The following STXBP6 variants were observed in gnomAD, a reference collection of about 807,000 sequenced individuals.
STXBP6 encodes the protein syntaxin binding protein 6, also known as syntaxin-binding protein 6.
STXBP6 carries 21 observed loss-of-function variants against 26.9 expected under a neutral mutation model. That is an observed-to-expected ratio of 0.78 (90% CI 0.55 to 1.12). The LOEUF (loss-of-function observed/expected upper bound fraction) is 1.12, where lower values mean the gene tolerates loss of function less well. Ranked by LOEUF, STXBP6 falls within the 50% of genes most tolerant of loss-of-function variation. The pLI is 0.00. For synonymous variants in STXBP6, 97 were observed against 92.6 expected, an observed-to-expected ratio of 1.05 and a Z score of -0.27; for missense variants, 232 against 257.9, an observed-to-expected ratio of 0.90 and a Z score of 0.69.
At chr14:24,942,317 A>G (rs984818116) in intron 2 of STXBP6, among the ~76,000 whole-genome samples, 8 of 152,238 alleles carry the variant, frequency 5.3e-5, no homozygotes, top group Non-Finnish European at 1.2e-4. Context: ...AACTAGAACC[A>G]TATTTGAAAG....
intron 2 of STXBP6, among the ~76,000 whole-genome samples, chr14:24,967,755 C>T (rs969033711): frequency 2.0e-5 from 3 of 152,124 alleles, no homozygotes; most frequent in Non-Finnish European, 4.4e-5. Flanking sequence ...TAATCAATAA[C>T]CTCAGAAATG....
chr14:25,049,181 G>T lies in STXBP6; in HGVS notation c.-33+697C>A, dbSNP rs958953044. On this transcript the variant is annotated intron_variant, in intron 1 of 5. Coordinates refer to ENST00000323944, the MANE Select transcript of STXBP6 (RefSeq NM_001394410.1). This position sits in a 1 kb window ranked among gnomAD's most constrained non-coding sequence, Gnocchi z 5.6. ...CGGGGTGTTGTAAACCTGAGGAAAG[G>T]TTGGAGGGAAAATCAAGCCACCCAC... The T allele has an allele frequency of 4.1e-6, 4 of 985,376 alleles. No homozygotes were observed. In the Admixed American group the frequency reaches 1.8e-4, roughly 45 times the overall value. The allele number at this position is 985,376 out of a possible 1,614,324, so 61.0% of individuals were successfully genotyped here. A position where few individuals can be genotyped will look rare whatever the true frequency, so the allele number is the denominator to read the frequency against.
intron 1 of STXBP6, among the ~76,000 whole-genome samples, chr14:25,003,519 C>T (rs1003938032): frequency 6.6e-6 from 1 of 152,130 alleles, no homozygotes; most frequent in African/African-American, 2.4e-5. Flanking sequence ...CAAGCAGGAC[C>T]TAAGGTACAA....
At chr14:24,818,917 TA>T in intron 5 of STXBP6, 119 bp downstream of exon 5, 1 of 1,340,322 alleles carries the variant, frequency 7.5e-7, no homozygotes. Flanking sequence ...GGGAATTACA[TA>T]AAGGGGAAAT....
intron 2 of STXBP6, among the ~76,000 whole-genome samples, chr14:24,883,996 A>T (rs1489133336): frequency 1.3e-5 from 2 of 152,214 alleles, no homozygotes; most frequent in Admixed American, 6.5e-5. Flanking sequence ...CTTTAATATT[A>T]AAACCCCTCT....
chr14:25,030,808 C>T (rs766275291), intron 1 of STXBP6, among the ~76,000 whole-genome samples: 33 of 151,916 alleles, frequency 2.2e-4, no homozygotes, highest in Non-Finnish European at 4.4e-4. Context: ...CATTGCTATA[C>T]AACATGTTAT....
chr14:24,880,963 C>G (rs994502469), intron 2 of STXBP6, among the ~76,000 whole-genome samples: 1 of 152,130 alleles, frequency 6.6e-6, no homozygotes, highest in African/African-American at 2.4e-5. Flanking sequence ...TTTGAAAATC[C>G]AAAAACCAAG....
At chr14:24,998,137 T>C (rs1194892652) in intron 1 of STXBP6, among the ~76,000 whole-genome samples, 3 of 152,152 alleles carry the variant, frequency 2.0e-5, no homozygotes, top group Admixed American at 2.0e-4. Context: ...CTACCCCTAG[T>C]GTGTAAGACT....
intron 2 of STXBP6, among the ~76,000 whole-genome samples, chr14:24,940,068 GATAT>G (rs2072748446): frequency 6.6e-6 from 1 of 152,170 alleles, no homozygotes; most frequent in African/African-American, 2.4e-5. Context: ...TGAGAAATCT[GATAT>G]ATTCGTACTT....
chr14:24,822,681 C>G (rs899365338), intron 4 of STXBP6, among the ~76,000 whole-genome samples: 2 of 152,144 alleles, frequency 1.3e-5, no homozygotes, highest in Non-Finnish European at 1.5e-5. Flanking sequence ...CTCCACCCCC[C>G]TTAAGACTAC....
chr14:24,856,050 C>G lies in STXBP6; in HGVS notation c.337G>C (p.Ala113Pro). The change falls in exon 4 of 6, where the codon GCC becomes CCC. Residue 113 changes from alanine to proline, a missense_variant. By Grantham distance (27) the Ala-to-Pro change is conservative. Transcript: ENST00000323944. Reference sequence around the variant, plus strand: ...GTGCATTTTTCTGACGCTGTGCTGGCTACCCACTGGTCAAAAGCATTTTCA... The same window carrying G: ...GTGCATTTTTCTGACGCTGTGCTGGGTACCCACTGGTCAAAAGCATTTTCA... ...LFENAFDQWV[A>P]STASEKCTFF... The G allele has an allele frequency of 6.2e-7, 1 of 1,610,340 alleles. No homozygotes were observed. Among genetic ancestry groups the G allele is most frequent in the Non-Finnish European group, 8.5e-7 (1 of 1,178,234 alleles).
At chr14:25,002,359 C>CTTTTTTTTTTTTTTTTTTTTTTTTTTTTT (rs747010332) in intron 1 of STXBP6, among the ~76,000 whole-genome samples, 11 of 121,364 alleles carry the variant, frequency 9.1e-5, no homozygotes, top group African/African-American at 1.7e-4. Context: ...ATTCTTATGA[C>CTTTTTTTTTTTTTTTTTTTTTTTTTTTTT]TTTTTTTTTT....
At chr14:24,977,161 G>T (rs1337805523) in intron 1 of STXBP6, among the ~76,000 whole-genome samples, 2 of 151,984 alleles carry the variant, frequency 1.3e-5, no homozygotes, top group Non-Finnish European at 2.9e-5. Context: ...ACCGCGCCCT[G>T]TCTCACCCGG....
intron 2 of STXBP6, among the ~76,000 whole-genome samples, chr14:24,874,457 T>C (rs891062623): frequency 3.9e-5 from 6 of 152,074 alleles, no homozygotes; most frequent in African/African-American, 7.2e-5. Flanking sequence ...GTACAGACTT[T>C]ATTATGCTAT....
At chr14:24,984,265 A>G (rs1012592350) in intron 1 of STXBP6, among the ~76,000 whole-genome samples, 7 of 152,164 alleles carry the variant, frequency 4.6e-5, no homozygotes. Context: ...AAACCAAAGA[A>G]AAAGAAAAAA....
chr14:24,880,154 G>A (rs1333451959), intron 2 of STXBP6, among the ~76,000 whole-genome samples: 1 of 152,150 alleles, frequency 6.6e-6, no homozygotes, highest in Non-Finnish European at 1.5e-5. Flanking sequence ...GCTAAAGGGT[G>A]CTGGGAAAAC....
At chr14:24,905,220 A>G (rs1371521827) in intron 2 of STXBP6, among the ~76,000 whole-genome samples, 1 of 152,182 alleles carries the variant, frequency 6.6e-6, no homozygotes, top group Non-Finnish European at 1.5e-5. Context: ...CAAAGTCCCT[A>G]TCATGTCTTA....
chr14:24,860,162 C>T (rs542010707), intron 2 of STXBP6, among the ~76,000 whole-genome samples: 27 of 152,272 alleles, frequency 1.8e-4, no homozygotes, highest in African/African-American at 6.0e-4. Context: ...AATGGCCCCT[C>T]CATGAGACAC....
intron 2 of STXBP6, among the ~76,000 whole-genome samples, chr14:24,899,527 T>C (rs2071123561): frequency 6.6e-6 from 1 of 152,034 alleles, no homozygotes; most frequent in South Asian, 2.1e-4. Flanking sequence ...ATGCCTGTAA[T>C]CCCAGCACTT....
Sources: allele counts gnomAD v4.1 joint callset (sites outside exome capture counted in the v4.1 genomes callset), GRCh38; gene constraint gnomAD v4.1.1; non-coding constraint Gnocchi (gnomAD v3.1); transcripts MANE v1.5; gene names NCBI Gene and HGNC (gene_info 2026-07-23, HGNC 2026-07-21).